Variants in MEF2C observed in about 807,000 individuals in gnomAD.
MEF2C encodes myocyte-specific enhancer factor 2C.
Under a neutral mutation model 50.5 loss-of-function variants are expected in MEF2C, and 6 were observed. That is an observed-to-expected ratio of 0.12 (90% CI 0.07 to 0.23). The LOEUF is 0.23. Ranked by LOEUF, MEF2C falls within the 10% of genes least tolerant of loss-of-function variation. MEF2C has a pLI of 1.00. For synonymous variants in MEF2C, 183 were observed against 228.0 expected (o/e 0.80, Z 1.78); for missense variants, 276 against 605.0 (o/e 0.46, Z 5.70).
At position 88,729,361 on chromosome 5, in the gene MEF2C, T is replaced by C. The variant is rs1760377580; in HGVS notation, c.835-14A>G. The C allele has an allele frequency of 6.3e-7, 1 of 1,577,332 alleles. No individual in the cohort carries two copies. Among genetic ancestry groups the C allele is most frequent in the Non-Finnish European group, 8.6e-7 (1 of 1,160,046 alleles). ...TATCCTTTGATTCTTTTAAAATAAA[T>C]AAAAAGACATTACTGATGAATTTTT... On this transcript the variant is annotated splice_polypyrimidine_tract_variant and intron_variant, in intron 8 of 10. Coordinates refer to ENST00000504921, the MANE Select transcript of MEF2C (RefSeq NM_002397.5).
At chr5:88,769,949 C>T (rs968979903) in intron 3 of MEF2C, 10 of 984,628 alleles carry the variant, frequency 1.0e-5, no homozygotes, top group South Asian at 9.4e-5. Flanking sequence ...TCCAGCCTAT[C>T]CTAATAATCT....
intron 2 of MEF2C, among the ~76,000 whole-genome samples, chr5:88,812,888 C>T (rs1334358807): frequency 6.6e-6 from 1 of 152,078 alleles, no homozygotes; most frequent in Non-Finnish European, 1.5e-5. Context: ...TCAATATGGA[C>T]CCAGTCAACT....
chr5:88,796,919 T>C (rs1796253441), intron 3 of MEF2C, among the ~76,000 whole-genome samples: 1 of 152,222 alleles, frequency 6.6e-6, no homozygotes, highest in African/African-American at 2.4e-5. Flanking sequence ...TGAGGTTCCC[T>C]GTAGTTGTGT....
intron 10 of MEF2C, among the ~76,000 whole-genome samples, chr5:88,725,058 T>C (rs989866539): frequency 6.6e-6 from 1 of 152,052 alleles, no homozygotes; most frequent in Non-Finnish European, 1.5e-5. Flanking sequence ...CTAGACAAGG[T>C]AAGGGAAAAA....
chr5:88,750,536 A>T (rs945315084), intron 5 of MEF2C, among the ~76,000 whole-genome samples: 1 of 152,140 alleles, frequency 6.6e-6, no homozygotes, highest in Non-Finnish European at 1.5e-5. Flanking sequence ...AATGTTTATT[A>T]TTTCCAATCA....
At chr5:88,752,081 G>C (rs766492243) in intron 4 of MEF2C, 38 bp from the exon 5 acceptor site, 1 of 1,542,296 alleles carries the variant, frequency 6.5e-7, no homozygotes, top group South Asian at 1.3e-5. Context: ...TAAAAGAAAA[G>C]AATTAATAAC....
At chr5:88,852,859 G>A (rs1821884010) in intron 1 of MEF2C, among the ~76,000 whole-genome samples, 1 of 151,910 alleles carries the variant, frequency 6.6e-6, no homozygotes, top group African/African-American at 2.4e-5. Context: ...CGCTTGCAGT[G>A]AGCTGAAATA....
intron 2 of MEF2C, among the ~76,000 whole-genome samples, chr5:88,823,437 G>C (rs1425909515): frequency 6.6e-6 from 1 of 151,892 alleles, no homozygotes; most frequent in Non-Finnish European, 1.5e-5. Context: ...GCAATGTTAT[G>C]CTGATTAACT....
At chr5:88,779,334 G>A (rs1278731571) in intron 3 of MEF2C, among the ~76,000 whole-genome samples, 4 of 152,060 alleles carry the variant, frequency 2.6e-5, no homozygotes, top group Non-Finnish European at 4.4e-5. Flanking sequence ...GTACACTATC[G>A]ACTAATTGTC....
rs1489217314 is a variant in MEF2C, at chr5:88,869,274, TATAC to T, written c.-143+13677_-143+13680del. Among the ~76,000 whole-genome samples the T allele has an allele frequency of 2.1e-3, 96 of 46,106 alleles. 1 individual carries two copies. Among genetic ancestry groups the T allele is most frequent in the East Asian group, 7.2e-3 (12 of 1,672 alleles). 30.2% of individuals were successfully genotyped at this position (46,106 alleles called of 152,430 possible). ...TTTCATATATATATATATATATATA[TATAC>T]ATATATATATATATATACACATATA... On this transcript the variant is annotated intron_variant, in intron 1 of 10. Coordinates refer to ENST00000504921, the MANE Select transcript of MEF2C (RefSeq NM_002397.5).
At chr5:88,895,709 A>G (rs868133124) in intron 1 of MEF2C, among the ~76,000 whole-genome samples, 17 of 152,132 alleles carry the variant, frequency 1.1e-4, no homozygotes, top group African/African-American at 2.9e-4. Flanking sequence ...CCCAGCAGCA[A>G]TTTTTACAAT....
chr5:88,754,583 T>C (rs1159513120), intron 4 of MEF2C, among the ~76,000 whole-genome samples: 1 of 152,222 alleles, frequency 6.6e-6, no homozygotes, highest in Non-Finnish European at 1.5e-5. Context: ...TTTGGAAATC[T>C]GTTGGACTAT....
intron 4 of MEF2C, among the ~76,000 whole-genome samples, chr5:88,759,566 T>A (rs1776944208): frequency 6.6e-6 from 1 of 151,040 alleles, no homozygotes; most frequent in Non-Finnish European, 1.5e-5. Flanking sequence ...AAAATACCAA[T>A]GGATATTTTA....
chr5:88,784,780 T>C (rs1345442538), intron 3 of MEF2C, among the ~76,000 whole-genome samples: 1 of 152,226 alleles, frequency 6.6e-6, no homozygotes, highest in Non-Finnish European at 1.5e-5. Flanking sequence ...AATACAGCTC[T>C]AAGTGGCTCA....
intron 5 of MEF2C, 85 bp downstream of exon 5, chr5:88,751,772 C>T (rs1453023042): frequency 2.1e-6 from 3 of 1,407,128 alleles, no homozygotes; most frequent in East Asian, 4.8e-5. Flanking sequence ...AACCAGAAAA[C>T]ATCTCGTAGA....
chr5:88,853,254 A>G lies in MEF2C; in HGVS notation c.-142-29324T>C, dbSNP rs562159469. Among the ~76,000 whole-genome samples, 4 of 152,292 alleles carry G rather than the reference A, an allele frequency of 2.6e-5. No individual in the cohort carries two copies. The South Asian group carries it at 8.3e-4, about 32-fold the overall frequency. On this transcript the variant is annotated intron_variant, in intron 1 of 10. Coordinates refer to ENST00000504921, the MANE Select transcript of MEF2C (RefSeq NM_002397.5). ...TTTTTTTGTTCATTTGTTTTTAAAAAAAAGTAAAGAAAAAGAATGTAGTTC... is the reference window on the plus strand; with the variant it reads ...TTTTTTTGTTCATTTGTTTTTAAAAGAAAGTAAAGAAAAAGAATGTAGTTC...
intron 3 of MEF2C, among the ~76,000 whole-genome samples, chr5:88,791,545 A>G (rs1793757136): frequency 6.6e-6 from 1 of 152,164 alleles, no homozygotes. Context: ...ATTGCCTCAC[A>G]TTACTATTTG....
At position 88,864,998 on chromosome 5, in the gene MEF2C, C is replaced by T. The variant is rs527247150; in HGVS notation, c.-143+17957G>A. Reference sequence around the variant, plus strand: ...GGCCAGGCTGGCCTCGAACTCCTGACCTCAGATGATCCACCTGCCTCCGAA... The same window carrying T: ...GGCCAGGCTGGCCTCGAACTCCTGATCTCAGATGATCCACCTGCCTCCGAA... On this transcript the variant is annotated intron_variant, in intron 1 of 10. Transcript: ENST00000504921. Among the ~76,000 whole-genome samples the T allele has an allele frequency of 3.9e-5, 6 of 152,152 alleles. 1 individual carries two copies. The East Asian group carries it at 1.2e-3, about 29-fold the overall frequency.
At chr5:88,837,942 C>T (rs1272550145) in intron 1 of MEF2C, among the ~76,000 whole-genome samples, 1 of 152,114 alleles carries the variant, frequency 6.6e-6, no homozygotes, top group Non-Finnish European at 1.5e-5. Context: ...ATGAGGAAGG[C>T]ACTATTACAA....
Sources: gnomAD v4.1 joint callset for allele counts (sites outside exome capture counted in the v4.1 genomes callset) on GRCh38, gnomAD v4.1.1 for gene constraint, MANE v1.5 for transcripts, NCBI Gene and HGNC (gene_info 2026-07-23, HGNC 2026-07-21) for gene names.